ZDHHC14: variants seen among roughly 807,000 people sequenced by gnomAD.
The protein encoded by ZDHHC14 is zDHHC palmitoyltransferase 14, also known as palmitoyltransferase ZDHHC14.
ZDHHC14 carries 16 observed loss-of-function variants against 47.7 expected under a neutral mutation model. The ratio of observed to expected loss-of-function variants is 0.34; its 90% confidence interval spans 0.23 to 0.51. ZDHHC14 has a LOEUF of 0.51. Ranked by LOEUF, ZDHHC14 falls within the 20% of genes least tolerant of loss-of-function variation. ZDHHC14 has a pLI of 0.97. For missense variants in ZDHHC14, 515 were observed against 662.5 expected (o/e 0.78, Z 2.44); for synonymous variants, 293 against 278.9 (o/e 1.05, Z -0.50).
chr6:157,401,427 T>G (rs187144343), intron 1 of ZDHHC14, among the ~76,000 whole-genome samples: 49 of 152,404 alleles, frequency 3.2e-4, no homozygotes, highest in African/African-American at 1.1e-3. Context: ...TGCCCTCATT[T>G]TATAGACGAA....
At chr6:157,402,955 G>C (rs1233696712) in intron 1 of ZDHHC14, among the ~76,000 whole-genome samples, 1 of 152,140 alleles carries the variant, frequency 6.6e-6, no homozygotes, top group African/African-American at 2.4e-5. Context: ...GGCTGGTCTC[G>C]AACTGGCCAC....
intron 1 of ZDHHC14, among the ~76,000 whole-genome samples, chr6:157,460,895 C>T (rs1779065952): frequency 1.3e-5 from 2 of 152,178 alleles, no homozygotes; most frequent in African/African-American, 2.4e-5. Flanking sequence ...TGTGTTTCTC[C>T]CTGCTAGCAC....
At chr6:157,522,517 T>G (rs935856756) in intron 1 of ZDHHC14, among the ~76,000 whole-genome samples, 1 of 152,050 alleles carries the variant, frequency 6.6e-6, no homozygotes, top group Non-Finnish European at 1.5e-5. Flanking sequence ...CCCACTTTTA[T>G]GATCGTAGAG....
At chr6:157,531,184 A>T (rs1331199534) in intron 1 of ZDHHC14, among the ~76,000 whole-genome samples, 1 of 152,110 alleles carries the variant, frequency 6.6e-6, no homozygotes, top group Non-Finnish European at 1.5e-5. Context: ...GTCTGCTCTG[A>T]TGATTCCACA....
intron 5 of ZDHHC14, among the ~76,000 whole-genome samples, chr6:157,643,799 G>A (rs1777382217): frequency 6.6e-6 from 1 of 151,100 alleles, no homozygotes; most frequent in African/African-American, 2.4e-5. Context: ...CTTTCAGTCT[G>A]GGATTGTCAC....
At chr6:157,493,620 A>C (rs1197069411) in intron 1 of ZDHHC14, among the ~76,000 whole-genome samples, 1 of 152,270 alleles carries the variant, frequency 6.6e-6, no homozygotes, top group Non-Finnish European at 1.5e-5. Context: ...CATCCGTGAC[A>C]GTGGGATGGA....
chr6:157,639,620 CAGGGG>C lies in ZDHHC14; in HGVS notation c.753-6115_753-6111del, dbSNP rs1190081610. On this transcript the variant is annotated intron_variant, in intron 5 of 8. Transcript: ENST00000359775. ...CCCGGCAAGAACATTTATCTTGCAT[CAGGGG>C]ACACAACAGAGTGGAACAGATGTTT... Among the ~76,000 whole-genome samples the C allele has an allele frequency of 9.8e-5, 15 of 152,294 alleles. No individual in the cohort carries two copies. The East Asian group carries it at 2.3e-3, about 24-fold the overall frequency.
At chr6:157,583,940 A>G (rs1252186439) in intron 2 of ZDHHC14, among the ~76,000 whole-genome samples, 1 of 113,874 alleles carries the variant, frequency 8.8e-6, no homozygotes, top group Non-Finnish European at 1.7e-5. Flanking sequence ...TGTGCTGTGG[A>G]CCTAAGTGGA....
intron 1 of ZDHHC14, among the ~76,000 whole-genome samples, chr6:157,528,386 G>T (rs1781234006): frequency 6.6e-6 from 1 of 152,164 alleles, no homozygotes; most frequent in Non-Finnish European, 1.5e-5. Context: ...ACTTGGAAAA[G>T]CACAAGTAGA....
At position 157,615,606 on chromosome 6, in the gene ZDHHC14, A is replaced by G. The variant is rs376643185; in HGVS notation, c.566-12743A>G. Among the ~76,000 whole-genome samples, 13 of 152,324 alleles carry G rather than the reference A, an allele frequency of 8.5e-5. No individual in the cohort carries two copies. The East Asian group carries it at 2.5e-3, about 29-fold the overall frequency. ...CTGAGGCCCAGAAACTGTGCACATC[A>G]TATCACTAGGCAAAAGGCCAGGACC... On this transcript the variant is annotated intron_variant, in intron 3 of 8. Coordinates refer to ENST00000359775, the MANE Select transcript of ZDHHC14 (RefSeq NM_024630.3).
intron 1 of ZDHHC14, among the ~76,000 whole-genome samples, chr6:157,432,596 G>T (rs1227781427): frequency 6.6e-6 from 1 of 152,160 alleles, no homozygotes. Flanking sequence ...TGGTTTCTTG[G>T]ATCATTTCCA....
intron 1 of ZDHHC14, among the ~76,000 whole-genome samples, chr6:157,480,139 G>A (rs1779587338): frequency 3.3e-5 from 5 of 152,134 alleles, no homozygotes; most frequent in Admixed American, 3.3e-4. Flanking sequence ...AGGACACTGG[G>A]AGAGGTCCCT....
chr6:157,504,806 T>A (rs559828299), intron 1 of ZDHHC14, among the ~76,000 whole-genome samples: 1 of 152,074 alleles, frequency 6.6e-6, no homozygotes, highest in Admixed American at 6.6e-5. Flanking sequence ...TTTTGTTTTG[T>A]TTTGTTTTGT....
chr6:157,632,574 G>T, intron 4 of ZDHHC14: 1 of 511,926 alleles, frequency 2.0e-6, no homozygotes, highest in East Asian at 3.1e-5. Flanking sequence ...TATAATTTAC[G>T]GGAAAGTGTG....
intron 1 of ZDHHC14, among the ~76,000 whole-genome samples, chr6:157,446,661 C>A (rs922290875): frequency 3.3e-5 from 5 of 152,224 alleles, no homozygotes; most frequent in Middle Eastern, 3.4e-3. Flanking sequence ...CCACCCGCCT[C>A]AGCCTCCCAG....
chr6:157,618,228 T>C (rs920006528), intron 3 of ZDHHC14, among the ~76,000 whole-genome samples: 1 of 152,108 alleles, frequency 6.6e-6, no homozygotes, highest in African/African-American at 2.4e-5. Flanking sequence ...ACGTGGAGCT[T>C]ATCTCAGAGT....
chr6:157,473,977 TA>T (rs1231918307), intron 1 of ZDHHC14, among the ~76,000 whole-genome samples: 1 of 148,400 alleles, frequency 6.7e-6, no homozygotes, highest in Non-Finnish European at 1.5e-5. Context: ...ACCTATACCA[TA>T]TTTTCTTTTC....
chr6:157,662,127 A>G (rs1583093322), intron 8 of ZDHHC14, among the ~76,000 whole-genome samples: 1 of 152,100 alleles, frequency 6.6e-6, no homozygotes, highest in Middle Eastern at 3.4e-3. Flanking sequence ...ATTTATATAG[A>G]GCTTTGCAAT....
intron 3 of ZDHHC14, among the ~76,000 whole-genome samples, chr6:157,601,915 C>A (rs368237705): frequency 6.6e-6 from 1 of 152,192 alleles, no homozygotes; most frequent in Non-Finnish European, 1.5e-5. Flanking sequence ...ATAAAGAATG[C>A]ATTCAGGGCT....
Sources: allele counts gnomAD v4.1 joint callset (sites outside exome capture counted in the v4.1 genomes callset), GRCh38; gene constraint gnomAD v4.1.1; transcripts MANE v1.5; gene names NCBI Gene and HGNC (gene_info 2026-07-23, HGNC 2026-07-21).